MRPS31: variants seen among roughly 807,000 people sequenced by gnomAD.
MRPS31 encodes small ribosomal subunit protein mS31.
A neutral mutation model predicts 43.1 loss-of-function variants in MRPS31; 32 were observed. That is an observed-to-expected ratio of 0.74 (90% confidence interval 0.56 to 1.00). The LOEUF is 1.00. Ranked by LOEUF, MRPS31 falls within the 50% of genes least tolerant of loss-of-function variation. The pLI, the probability that MRPS31 is intolerant of heterozygous loss-of-function variation, is 0.00. For synonymous variants in MRPS31, 165 were observed against 161.6 expected, an observed-to-expected ratio of 1.02 and a Z score of -0.16; for missense variants, 437 against 466.7, an observed-to-expected ratio of 0.94 and a Z score of 0.59.
At position 40,757,306 on chromosome 13, in the gene MRPS31, T is replaced by C. The variant is rs558840825; in HGVS notation, c.600-293A>G. On this transcript the variant is annotated intron_variant, in intron 3 of 6. Coordinates refer to ENST00000323563, the MANE Select transcript of MRPS31 (RefSeq NM_005830.4). The stretch of plus-strand genomic sequence containing the variant: ...AAATGATAGGAAAGTAAAATCAGTA[T>C]CTGTTATACCTATCACCTACATCCA... 9.9e-4 allele frequency among the ~76,000 whole-genome samples: 151 copies of C among 152,322 alleles called. 1 individual carries two copies. The highest frequency in any genetic ancestry group is 1.8e-3 in the Non-Finnish European group (123 of 68,022).
chr13:40,748,978 C>T (rs1478681758), intron 6 of MRPS31, among the ~76,000 whole-genome samples, 160 bp downstream of exon 6: 1 of 152,128 alleles, frequency 6.6e-6, no homozygotes, highest in Admixed American at 6.5e-5. Context: ...GAAATTCCAA[C>T]ATCTTTTTTA....
intron 1 of MRPS31, 130 bp downstream of exon 1, chr13:40,770,855 T>C (rs1361186140): frequency 1.6e-6 from 2 of 1,252,508 alleles, no homozygotes; most frequent in Non-Finnish European, 2.3e-6. Context: ...GGGCAAGTCA[T>C]CTTTTCTTTC....
At chr13:40,755,535 C>A (rs1205138716) in intron 4 of MRPS31, among the ~76,000 whole-genome samples, 1 of 152,084 alleles carries the variant, frequency 6.6e-6, no homozygotes, top group Non-Finnish European at 1.5e-5. Context: ...TAAAAGGTGC[C>A]CCAGTCACAG....
At position 40,749,180 on chromosome 13, in the gene MRPS31, T is replaced by G. The variant is rs375923229; in HGVS notation, c.916A>C (p.Lys306Gln). Residue 306 changes from lysine to glutamine, a missense_variant, in exon 6 of 7, where the codon AAA (lysine) becomes CAA (glutamine). Physicochemically the swap from Lys to Gln is moderately conservative, Grantham distance 53. Transcript: ENST00000323563. ...GGGAACTCCCATAGTTTCCCCTCTT[T>G]TGTCCACTGGATCAGCTCTTCAAAT... Reference protein sequence around the residue: ...NGFEELIQWTKEGKLWEFPIN... With the variant: ...NGFEELIQWTQEGKLWEFPIN... The G allele has an allele frequency of 6.2e-7, 1 of 1,602,378 alleles. No homozygotes were observed. Among genetic ancestry groups the G allele is most frequent in the African/African-American group, 1.3e-5 (1 of 74,210 alleles).
intron 2 of MRPS31, among the ~76,000 whole-genome samples, chr13:40,764,612 T>C (rs970229096): frequency 3.3e-5 from 5 of 152,206 alleles, no homozygotes; most frequent in African/African-American, 1.2e-4. Context: ...TTCTCTTGGC[T>C]CACTTTCTCT....
chr13:40,758,821 T>A (rs1258337409), intron 3 of MRPS31, 127 bp downstream of exon 3: 184 of 884,764 alleles, frequency 2.1e-4, no homozygotes, highest in Non-Finnish European at 2.6e-4. Context: ...TTGCTAAAAT[T>A]ATGTGGTATA....
chr13:40,734,409 G>A (rs1879812654), intron 6 of MRPS31, among the ~76,000 whole-genome samples: 1 of 152,104 alleles, frequency 6.6e-6, no homozygotes, highest in Non-Finnish European at 1.5e-5. Flanking sequence ...GACAGCTCCA[G>A]GTACCCATGG....
At chr13:40,757,102 ATTC>A (rs1164625207) in intron 3 of MRPS31, 89 bp from the exon 4 acceptor site, 10 of 1,024,816 alleles carry the variant, frequency 9.8e-6, no homozygotes, top group Non-Finnish European at 1.4e-5. Flanking sequence ...AGATCATTTA[ATTC>A]TTATTTCATT....
intron 4 of MRPS31, among the ~76,000 whole-genome samples, chr13:40,755,034 C>T (rs574290991): frequency 1.3e-5 from 2 of 151,808 alleles, no homozygotes; most frequent in Admixed American, 6.6e-5. Flanking sequence ...GACTCCGTCT[C>T]GAAGAAAAAT....
Position 40,771,011 on chromosome 13 carries a change from C to T in MRPS31, c.126G>A (p.Arg42=). 1.9e-6 allele frequency: 3 copies of T among 1,614,166 alleles called. No homozygotes were observed. The highest frequency in any genetic ancestry group is 1.7e-6 in the Non-Finnish European group (2 of 1,180,026). Residue 42 remains arginine (R), a synonymous_variant, in exon 1 of 7, where the codon AGG becomes AGA. Transcript: ENST00000323563. ...MLLTVRHGTV[R]YRSSALLART... ...GGGCCAACAGCGCTGAACTGCGGTA[C>T]CTGACTGTTCCGTGCCGAACAGTGA...
At chr13:40,737,825 AG>A (rs1879967000) in intron 6 of MRPS31, among the ~76,000 whole-genome samples, 1 of 151,984 alleles carries the variant, frequency 6.6e-6, no homozygotes, top group Non-Finnish European at 1.5e-5. Flanking sequence ...AATGCCCACA[AG>A]AGAAAGCAGG....
chr13:40,753,676 A>G (rs1452490751), intron 5 of MRPS31, among the ~76,000 whole-genome samples: 5 of 152,216 alleles, frequency 3.3e-5, no homozygotes, highest in African/African-American at 9.7e-5. Context: ...TCGCGCACAC[A>G]GAGTAGGCAA....
chr13:40,770,614 T>C (rs1016849338), intron 1 of MRPS31: 3 of 296,554 alleles, frequency 1.0e-5, no homozygotes, highest in Non-Finnish European at 1.3e-5. Context: ...ACTGTCTCAC[T>C]TGGGGTTTAC....
intron 6 of MRPS31, among the ~76,000 whole-genome samples, chr13:40,745,009 T>G (rs2138002153): frequency 6.6e-6 from 1 of 151,386 alleles, no homozygotes; most frequent in East Asian, 2.0e-4. Context: ...GCAACCTCCC[T>G]GTCCTGAGTT....
intron 4 of MRPS31, among the ~76,000 whole-genome samples, chr13:40,755,810 A>G (rs1267095423): frequency 6.6e-6 from 1 of 152,236 alleles, no homozygotes; most frequent in East Asian, 1.9e-4. Context: ...TAATATTAAA[A>G]ATCAAATTAT....
intron 2 of MRPS31, among the ~76,000 whole-genome samples, chr13:40,763,940 C>T (rs1880772230): frequency 6.6e-6 from 1 of 152,178 alleles, no homozygotes; most frequent in African/African-American, 2.4e-5. Flanking sequence ...AGCCAACAGC[C>T]AGTATCAACT....
At chr13:40,736,197 T>C (rs1026275641) in intron 6 of MRPS31, among the ~76,000 whole-genome samples, 8 of 151,556 alleles carry the variant, frequency 5.3e-5, no homozygotes, top group Non-Finnish European at 8.8e-5. Context: ...GAAGATGAAA[T>C]GAATGAAATG....
At chr13:40,740,918 C>G (rs1414151572) in intron 6 of MRPS31, among the ~76,000 whole-genome samples, 1 of 147,840 alleles carries the variant, frequency 6.8e-6, no homozygotes, top group Non-Finnish European at 1.5e-5. Context: ...CACATGTACC[C>G]TAAAACTTAA....
intron 1 of MRPS31, 131 bp downstream of exon 1, chr13:40,770,854 A>T (rs1880986403): frequency 8.0e-6 from 10 of 1,246,640 alleles, no homozygotes; most frequent in Admixed American, 1.9e-5. Context: ...TGGGCAAGTC[A>T]TCTTTTCTTT....
Sources: allele counts gnomAD v4.1 joint callset (sites outside exome capture counted in the v4.1 genomes callset), GRCh38; gene constraint gnomAD v4.1.1; transcripts MANE v1.5; gene names NCBI Gene and HGNC (gene_info 2026-07-23, HGNC 2026-07-21).